The following HDAC4 variants were observed in gnomAD, a reference collection of about 807,000 sequenced individuals.
HDAC4 encodes the protein histone deacetylase A.
HDAC4 carries 16 observed loss-of-function variants against 135.1 expected under a neutral mutation model. The ratio of observed to expected loss-of-function variants is 0.12; its 90% CI spans 0.08 to 0.18. HDAC4 has a LOEUF of 0.18. Ranked by LOEUF, HDAC4 falls within the 10% of genes least tolerant of loss-of-function variation. The pLI is 1.00. For synonymous variants in HDAC4, 685 were observed against 653.4 expected (o/e 1.05, Z -0.74); for missense variants, 1,143 against 1,511.8 (o/e 0.76, Z 4.05).
intron 22 of HDAC4, among the ~76,000 whole-genome samples, chr2:239,074,023 A>AGCAGCAGGACTGAGGGGG: frequency 1.7e-5 from 2 of 118,292 alleles, no homozygotes; most frequent in African/African-American, 3.3e-5. Context: ...GACTGAGGGG[A>AGCAGCAGGACTGAGGGGG]GCAGCAGGAC....
At chr2:239,086,155 G>A (rs1296004084) in intron 19 of HDAC4, among the ~76,000 whole-genome samples, 3 of 43,048 alleles carry the variant, frequency 7.0e-5, no homozygotes, top group African/African-American at 1.3e-4. Context: ...CGCACGTACA[G>A]TCTCTTCCCT....
intron 3 of HDAC4, among the ~76,000 whole-genome samples, chr2:239,223,861 A>G (rs1471432874): frequency 6.6e-6 from 1 of 152,110 alleles, no homozygotes; most frequent in East Asian, 1.9e-4. Context: ...TGTTTAAAAA[A>G]AAAAAAAAGG....
chr2:239,155,536 G>A (rs1244982539), intron 7 of HDAC4: 1 of 152,298 alleles, frequency 6.6e-6, no homozygotes, highest in Non-Finnish European at 1.5e-5. Context: ...GTGGCTGGCT[G>A]ATATGGCCTA....
chr2:239,086,452 G>A (rs997152771), intron 19 of HDAC4, among the ~76,000 whole-genome samples: 2 of 151,154 alleles, frequency 1.3e-5, no homozygotes, highest in African/African-American at 2.4e-5. Flanking sequence ...GCTCTAACAC[G>A]CGGATCTGAC....
intron 24 of HDAC4, among the ~76,000 whole-genome samples, chr2:239,064,485 C>G (rs368603388): frequency 6.6e-6 from 1 of 152,156 alleles, no homozygotes; most frequent in Non-Finnish European, 1.5e-5. Context: ...CCCCTCACAT[C>G]GGCCTCAACA....
chr2:239,145,491 C>T (rs1016909769), intron 7 of HDAC4, among the ~76,000 whole-genome samples: 4 of 152,224 alleles, frequency 2.6e-5, no homozygotes, highest in African/African-American at 7.2e-5. Context: ...AAACCTCCGG[C>T]GCGAGGCCCG....
chr2:239,395,615 C>T (rs1696507652), intron 1 of HDAC4, among the ~76,000 whole-genome samples: 1 of 152,114 alleles, frequency 6.6e-6, no homozygotes, highest in African/African-American at 2.4e-5. Context: ...GAAAAGTGTA[C>T]CCCGTCTCCT....
intron 2 of HDAC4, among the ~76,000 whole-genome samples, chr2:239,249,778 G>GAA (rs11396312): frequency 1.8e-4 from 25 of 139,702 alleles, no homozygotes; most frequent in East Asian, 1.0e-3. Flanking sequence ...AGCTATTAAA[G>GAA]AAAAAAAAAA....
intron 3 of HDAC4, among the ~76,000 whole-genome samples, chr2:239,193,684 G>A (rs1382811484): frequency 6.6e-6 from 1 of 152,266 alleles, no homozygotes; most frequent in Non-Finnish European, 1.5e-5. Context: ...AGAGCGCGAG[G>A]GGAAGCAGCA....
intron 2 of HDAC4, among the ~76,000 whole-genome samples, chr2:239,341,762 C>A (rs1208955854): frequency 6.6e-6 from 1 of 152,216 alleles, no homozygotes; most frequent in East Asian, 1.9e-4. Flanking sequence ...AAACCATTAG[C>A]TCTTATAATG....
At chr2:239,256,097 C>A (rs1206344105) in intron 2 of HDAC4, among the ~76,000 whole-genome samples, 3 of 152,212 alleles carry the variant, frequency 2.0e-5, no homozygotes, top group African/African-American at 7.2e-5. Flanking sequence ...TCCATGCCAT[C>A]ACTTTGTAGT....
At chr2:239,196,562 C>T (rs1437025377) in intron 3 of HDAC4, among the ~76,000 whole-genome samples, 1 of 152,182 alleles carries the variant, frequency 6.6e-6, no homozygotes, top group African/African-American at 2.4e-5. Context: ...GTCTCGAGTC[C>T]GAGTCTGCCG....
Position 239,049,008 on chromosome 2 carries a change from C to G in HDAC4, c.*4089G>C, listed in dbSNP as rs2030415479. On this transcript the variant is annotated 3_prime_UTR_variant, in exon 27 of 27. Transcript: ENST00000543185. ...GCCCGTGGAAGGAGATAAAAGGAAACAAACAAAACAAAACAAAACAAAATT... is the reference window on the plus strand; with the variant it reads ...GCCCGTGGAAGGAGATAAAAGGAAAGAAACAAAACAAAACAAAACAAAATT... The G allele has an allele frequency of 6.6e-6, 1 of 152,196 alleles. No individual in the cohort carries two copies. Among genetic ancestry groups the G allele is most frequent in the African/African-American group, 2.4e-5 (1 of 41,442 alleles). The allele number at this position is 152,196 out of a possible 1,614,324, so 9.4% of individuals were successfully genotyped here. A position where few individuals can be genotyped will look rare whatever the true frequency, so the allele number is the denominator to read the frequency against.
chr2:239,095,705 G>A (rs1575004912), intron 16 of HDAC4, among the ~76,000 whole-genome samples: 1 of 152,154 alleles, frequency 6.6e-6, no homozygotes, highest in African/African-American at 2.4e-5. Context: ...TGGCACCCGC[G>A]CCTGCTCCGG....
chr2:239,288,125 G>A (rs1459998767), intron 2 of HDAC4, among the ~76,000 whole-genome samples: 2 of 150,564 alleles, frequency 1.3e-5, no homozygotes, highest in Non-Finnish European at 3.0e-5. Flanking sequence ...CAAGAACAGA[G>A]ATGAAGAATC....
intron 7 of HDAC4, among the ~76,000 whole-genome samples, chr2:239,154,463 C>A (rs1048563343): frequency 6.6e-6 from 1 of 152,122 alleles, no homozygotes; most frequent in Non-Finnish European, 1.5e-5. Flanking sequence ...AATGAGCACA[C>A]ATCCAACCCA....
At chr2:239,302,330 C>T (rs976689924) in intron 2 of HDAC4, among the ~76,000 whole-genome samples, 1 of 152,184 alleles carries the variant, frequency 6.6e-6, no homozygotes, top group African/African-American at 2.4e-5. Flanking sequence ...GCAAGGCCAC[C>T]CTGGCAGCAA....
chr2:239,381,002 G>A (rs957130536), intron 1 of HDAC4, among the ~76,000 whole-genome samples: 1 of 152,130 alleles, frequency 6.6e-6, no homozygotes, highest in Non-Finnish European at 1.5e-5. Flanking sequence ...AAAATGACTG[G>A]CAGTGACTGA....
intron 1 of HDAC4, among the ~76,000 whole-genome samples, chr2:239,368,884 C>T (rs995507362): frequency 2.6e-5 from 4 of 152,324 alleles, no homozygotes; most frequent in Admixed American, 6.5e-5. Context: ...ATGTCGGCAT[C>T]GACAGCTGAG....
Sources: gnomAD v4.1 joint callset for allele counts (sites outside exome capture counted in the v4.1 genomes callset) on GRCh38, gnomAD v4.1.1 for gene constraint, MANE v1.5 for transcripts, NCBI Gene and HGNC (gene_info 2026-07-23, HGNC 2026-07-21) for gene names.